C6: variants seen among roughly 807,000 people sequenced by gnomAD.
The protein encoded by C6 is complement C6, also known as complement component C6.
In C6, 101 loss-of-function variants were observed where a neutral mutation model predicts 112.9. The ratio of observed to expected loss-of-function variants is 0.89; its 90% CI spans 0.76 to 1.06. The LOEUF is 1.06. Ranked by LOEUF, C6 falls within the 50% of genes least tolerant of loss-of-function variation. C6 has a pLI of 0.00. For missense variants in C6, 1,202 were observed against 1,104.6 expected, an observed-to-expected ratio of 1.09 and a Z score of -1.25; for synonymous variants, 431 against 384.1, an observed-to-expected ratio of 1.12 and a Z score of -1.43.
At chr5:41,187,435 CATTT>C (rs1429669818) in intron 5 of C6, among the ~76,000 whole-genome samples, 3 of 152,058 alleles carry the variant, frequency 2.0e-5, no homozygotes, top group African/African-American at 7.2e-5. Context: ...TAGACTCATT[CATTT>C]GTGAGGGAAT....
chr5:41,184,587 T>G (rs1428408160), intron 6 of C6, among the ~76,000 whole-genome samples: 1 of 152,042 alleles, frequency 6.6e-6, no homozygotes, highest in Non-Finnish European at 1.5e-5. Flanking sequence ...TTCTCATGCC[T>G]CAGACTCCTG....
intron 1 of C6, among the ~76,000 whole-genome samples, chr5:41,233,945 G>T (rs866581191): frequency 1.3e-5 from 2 of 151,874 alleles, no homozygotes; most frequent in African/African-American, 4.8e-5. Context: ...ATCAAATATC[G>T]CTTAAATGAT....
At chr5:41,168,696 C>G (rs1334676705) in intron 9 of C6, among the ~76,000 whole-genome samples, 1 of 152,116 alleles carries the variant, frequency 6.6e-6, no homozygotes. Context: ...AGTCCTAGGA[C>G]CCTCAGTTCC....
At chr5:41,234,349 T>G (rs1245807679) in intron 1 of C6, among the ~76,000 whole-genome samples, 1 of 138,822 alleles carries the variant, frequency 7.2e-6, no homozygotes, top group Non-Finnish European at 1.5e-5. Context: ...TTTTTTTTTT[T>G]GTTTTTTGTT....
At chr5:41,184,711 G>T (rs1177741317) in intron 6 of C6, among the ~76,000 whole-genome samples, 2 of 151,976 alleles carry the variant, frequency 1.3e-5, no homozygotes, top group Admixed American at 6.6e-5. Context: ...ACACCCAAGT[G>T]ATCTGCACCC....
intron 1 of C6, among the ~76,000 whole-genome samples, chr5:41,252,515 A>G (rs1741431666): frequency 6.6e-6 from 1 of 152,226 alleles, no homozygotes; most frequent in Admixed American, 6.5e-5. Flanking sequence ...TGATATAGAT[A>G]GCATCTAATG....
intron 5 of C6, among the ~76,000 whole-genome samples, chr5:41,187,148 A>G (rs1749837013): frequency 6.6e-6 from 1 of 152,152 alleles, no homozygotes; most frequent in African/African-American, 2.4e-5. Flanking sequence ...GTGTAGTTCT[A>G]CAGAATATCA....
In C6 at chr5:41,254,219, G is replaced by A. The variant is rs572496807; in HGVS notation, c.-21+6975C>T. The stretch of plus-strand genomic sequence containing the variant: ...GATCGAGACCATCCTGGCTAACACG[G>A]TGAAACCCCATCTCTACTAAAAATA... On this transcript the variant is annotated intron_variant, in intron 1 of 17. Coordinates refer to the C6 transcript ENST00000263413. Among the ~76,000 whole-genome samples the A allele has an allele frequency of 3.5e-3, 539 of 152,234 alleles. 3 individuals are homozygous for A. Among genetic ancestry groups the A allele is most frequent in the Non-Finnish European group, 5.4e-3 (370 of 68,000 alleles).
intron 1 of C6, among the ~76,000 whole-genome samples, chr5:41,254,608 C>A (rs1741568870): frequency 6.6e-6 from 1 of 152,106 alleles, no homozygotes; most frequent in South Asian, 2.1e-4. Flanking sequence ...TTTACAGAAC[C>A]TTCACAATTA....
At chr5:41,192,081 T>A (rs976076080) in intron 5 of C6, among the ~76,000 whole-genome samples, 1 of 152,152 alleles carries the variant, frequency 6.6e-6, no homozygotes, top group Admixed American at 6.5e-5. Flanking sequence ...TTTCTTCTAT[T>A]TCTAATTTTT....
At chr5:41,213,281 T>C in intron 1 of C6, 95 bp downstream of exon 1, 1 of 368,278 alleles carries the variant, frequency 2.7e-6, no homozygotes, top group Non-Finnish European at 3.8e-6. Flanking sequence ...TAGTCTGAGT[T>C]ACATATTTTT....
intron 1 of C6, among the ~76,000 whole-genome samples, chr5:41,205,672 A>T (rs1320643449): frequency 6.6e-6 from 1 of 152,176 alleles, no homozygotes; most frequent in Admixed American, 6.5e-5. Context: ...AGGCTGGCGG[A>T]GGGGTGCCCG....
Position 41,153,806 on chromosome 5 carries a change from T to A in C6, c.2290+4A>T. 1 of 1,610,382 alleles carries A rather than the reference T, an allele frequency of 6.2e-7. No homozygotes were observed. Among genetic ancestry groups the A allele is most frequent in the South Asian group, 1.1e-5 (1 of 90,984 alleles). On this transcript the variant is annotated splice_donor_region_variant and intron_variant, in intron 15 of 17. Coordinates refer to ENST00000337836, the MANE Select transcript of C6 (RefSeq NM_000065.5). ...AGACCCCAGAACACTGAGCTGCTACTCACCTTTTTCACAGGTGAGAGAGTT... is the reference window on the plus strand; with the variant it reads ...AGACCCCAGAACACTGAGCTGCTACACACCTTTTTCACAGGTGAGAGAGTT...
intron 1 of C6, among the ~76,000 whole-genome samples, chr5:41,211,863 G>A (rs1207885541): frequency 6.6e-6 from 1 of 152,134 alleles, no homozygotes; most frequent in Non-Finnish European, 1.5e-5. Flanking sequence ...AATTGCAAGA[G>A]ATTACTAATT....
At chr5:41,180,753 A>C (rs1257395759) in intron 7 of C6, among the ~76,000 whole-genome samples, 1 of 151,924 alleles carries the variant, frequency 6.6e-6, no homozygotes, top group African/African-American at 2.4e-5. Context: ...CTTTATATTT[A>C]TTGCTCAGGG....
intron 1 of C6, among the ~76,000 whole-genome samples, chr5:41,226,231 A>G (rs1734460234): frequency 6.6e-6 from 1 of 152,234 alleles, no homozygotes; most frequent in Admixed American, 6.5e-5. Context: ...ACCAGAATCT[A>G]CAATGAACTC....
intron 1 of C6, among the ~76,000 whole-genome samples, chr5:41,253,125 C>A (rs1047944849): frequency 1.3e-5 from 2 of 152,192 alleles, no homozygotes; most frequent in Non-Finnish European, 2.9e-5. Context: ...TTAAGAATGA[C>A]ATGTAATTGT....
chr5:41,174,021 T>C (rs1377065901), intron 8 of C6, among the ~76,000 whole-genome samples: 3 of 152,230 alleles, frequency 2.0e-5, no homozygotes, highest in East Asian at 3.8e-4. Context: ...AACCATTCTT[T>C]AGGCTCTTAT....
In C6 at chr5:41,147,973, T is replaced by C. The variant is rs1745995640; in HGVS notation, c.2623+1268A>G. Among the ~76,000 whole-genome samples, 3 of 152,200 alleles carry C rather than the reference T, an allele frequency of 2.0e-5. No individual in the cohort carries two copies. The South Asian group carries it at 6.2e-4, about 31-fold the overall frequency. On this transcript the variant is annotated intron_variant, in intron 17 of 17. Coordinates refer to ENST00000337836, the MANE Select transcript of C6 (RefSeq NM_000065.5). The stretch of plus-strand genomic sequence containing the variant: ...ATAACTCCAAGGTTTGGTGAGAGTG[T>C]GGGAAAGCAGTCTTTACTATATGTT...
Sources: gnomAD v4.1 joint callset for allele counts (sites outside exome capture counted in the v4.1 genomes callset) on GRCh38, gnomAD v4.1.1 for gene constraint, MANE v1.5 for transcripts, NCBI Gene and HGNC (gene_info 2026-07-23, HGNC 2026-07-21) for gene names.